Variants in PBX1 observed in about 807,000 individuals in gnomAD.
The protein encoded by PBX1 is pre-B-cell leukemia transcription factor 1.
PBX1 carries 6 observed loss-of-function variants against 53.4 expected under a neutral mutation model. The observed-to-expected ratio is 0.11, with a 90% CI of 0.06 to 0.22. The LOEUF (loss-of-function observed/expected upper bound fraction) is 0.22. Ranked by LOEUF, PBX1 falls within the 10% of genes least tolerant of loss-of-function variation. PBX1 has a pLI of 1.00. For synonymous variants in PBX1, 204 were observed against 212.3 expected (o/e 0.96, Z 0.34); for missense variants, 251 against 551.4 (o/e 0.46, Z 5.46).
intron 2 of PBX1, chr1:164,642,588 G>A (rs981500194): frequency 2.0e-5 from 3 of 152,174 alleles, no homozygotes; most frequent in Non-Finnish European, 4.4e-5. Context: ...GATGGTAAGT[G>A]TTCAGTATGA....
intron 2 of PBX1, among the ~76,000 whole-genome samples, chr1:164,574,780 G>A (rs139837548): frequency 0.012 from 1,773 of 152,170 alleles, 24 homozygotes; most frequent in Admixed American, 0.038. Flanking sequence ...TCAGGAGTTC[G>A]AGACCAGCCT....
intron 2 of PBX1, among the ~76,000 whole-genome samples, chr1:164,870,266 CTT>C (rs1672329149): frequency 4.2e-4 from 19 of 45,214 alleles, no homozygotes; most frequent in African/African-American, 1.3e-3. Context: ...TCCTTCCTTC[CTT>C]CTTTCTTTCT....
intron 2 of PBX1, among the ~76,000 whole-genome samples, chr1:164,710,733 C>T (rs566262751): frequency 7.9e-5 from 12 of 152,090 alleles, no homozygotes; most frequent in South Asian, 6.2e-4. Context: ...TTTGGTAAAA[C>T]GGAGAAAAGC....
At chr1:164,748,724 A>C (rs1666034315) in intron 2 of PBX1, among the ~76,000 whole-genome samples, 1 of 152,186 alleles carries the variant, frequency 6.6e-6, no homozygotes, top group Non-Finnish European at 1.5e-5. Flanking sequence ...CATGGGAAGC[A>C]TATGGCCATG....
intron 2 of PBX1, among the ~76,000 whole-genome samples, chr1:164,704,936 A>C (rs906276626): frequency 1.3e-5 from 2 of 152,248 alleles, no homozygotes; most frequent in Admixed American, 6.5e-5. Context: ...TCAAAATACT[A>C]CCAAAAGGAG....
In PBX1 at chr1:164,659,654, AC is replaced by A. The variant is rs1009348065; in HGVS notation, c.265+96344del. On this transcript the variant is annotated intron_variant, in intron 2 of 8. Transcript: ENST00000420696. ...GGCTGCAGAACCTGCCTCCCCCTTC[AC>A]ACATCCTCCCTTGTTCCCTCTCCCT... Among the ~76,000 whole-genome samples the A allele has an allele frequency of 2.6e-5, 4 of 152,252 alleles. 1 individual carries two copies.
intron 6 of PBX1, among the ~76,000 whole-genome samples, chr1:164,812,504 G>C (rs1445974059): frequency 1.3e-5 from 2 of 152,088 alleles, no homozygotes; most frequent in Non-Finnish European, 2.9e-5. Flanking sequence ...TCTGTCATTT[G>C]GCCTGTTTTA....
chr1:164,810,552 C>G (rs1319182804), intron 5 of PBX1, among the ~76,000 whole-genome samples: 1 of 152,040 alleles, frequency 6.6e-6, no homozygotes, highest in African/African-American at 2.4e-5. Flanking sequence ...ATCTTTTTCC[C>G]TTTTCTTTCA....
chr1:164,825,054 C>A (rs1670383930), intron 8 of PBX1, among the ~76,000 whole-genome samples: 1 of 152,178 alleles, frequency 6.6e-6, no homozygotes, highest in Admixed American at 6.5e-5. Context: ...CTGGGCCCAG[C>A]CTTCCTGTCC....
rs573349619 is a variant in PBX1 at position 164,862,474 on chromosome 1, A to C, written n.257+30991A>C. 1.6e-4 allele frequency among the ~76,000 whole-genome samples: 24 copies of C among 152,326 alleles called. 1 individual carries two copies. The highest frequency in any genetic ancestry group is 6.8e-3 in the Middle Eastern group (2 of 294). On this transcript the variant is annotated intron_variant and non_coding_transcript_variant, in intron 2 of 2. Transcript: ENST00000558796. ...ACCAAGAACACTTTTATGTCAGCTT[A>C]GTTCAAACATTGATACTAAGTGGGA...
At chr1:164,867,176 A>T (rs185242861) in intron 2 of PBX1, among the ~76,000 whole-genome samples, 1 of 152,294 alleles carries the variant, frequency 6.6e-6, no homozygotes, top group Non-Finnish European at 1.5e-5. Flanking sequence ...TGAGCAAGTT[A>T]TTCAAACCTC....
chr1:164,726,941 C>T (rs909651763), intron 2 of PBX1, among the ~76,000 whole-genome samples: 1 of 152,200 alleles, frequency 6.6e-6, no homozygotes, highest in Non-Finnish European at 1.5e-5. Flanking sequence ...AAGAGATTCA[C>T]TTATGCTTCC....
intron 2 of PBX1, among the ~76,000 whole-genome samples, chr1:164,618,666 T>C (rs144057599): frequency 6.6e-6 from 1 of 152,228 alleles, no homozygotes; most frequent in Non-Finnish European, 1.5e-5. Flanking sequence ...TCAGTAATCC[T>C]ATCACTTGCC....
intron 2 of PBX1, among the ~76,000 whole-genome samples, chr1:164,734,034 G>C (rs1020565708): frequency 5.3e-5 from 8 of 152,184 alleles, no homozygotes; most frequent in Non-Finnish European, 4.4e-5. Flanking sequence ...GCTATGTTGT[G>C]TAAGTGTGGA....
intron 2 of PBX1, among the ~76,000 whole-genome samples, chr1:164,728,250 G>T (rs534437475): frequency 6.6e-6 from 1 of 151,630 alleles, no homozygotes; most frequent in Non-Finnish European, 1.5e-5. Context: ...CTGGGAGACC[G>T]AGGCTGCAAT....
chr1:164,750,250 A>G (rs1666129180), intron 2 of PBX1, among the ~76,000 whole-genome samples: 1 of 151,494 alleles, frequency 6.6e-6, no homozygotes. Flanking sequence ...ACTAAAATGC[A>G]TGTGTATATG....
intron 2 of PBX1, among the ~76,000 whole-genome samples, chr1:164,665,746 A>G (rs1374627095): frequency 6.6e-6 from 1 of 152,202 alleles, no homozygotes; most frequent in Non-Finnish European, 1.5e-5. Context: ...TCAGGACCTA[A>G]CATCAGGAAT....
intron 2 of PBX1, chr1:164,642,925 T>A (rs1302720160): frequency 6.6e-6 from 1 of 152,162 alleles, no homozygotes. Context: ...GATGTTTTAT[T>A]TTAAGATAAA....
At chr1:164,809,346 C>T (rs1355238006) in intron 5 of PBX1, among the ~76,000 whole-genome samples, 2 of 152,164 alleles carry the variant, frequency 1.3e-5, no homozygotes, top group South Asian at 2.1e-4. Flanking sequence ...TCCTTATTTA[C>T]ATATTGTGTC....
Sources: allele counts gnomAD v4.1 joint callset (sites outside exome capture counted in the v4.1 genomes callset), GRCh38; gene constraint gnomAD v4.1.1; transcripts MANE v1.5; gene names NCBI Gene and HGNC (gene_info 2026-07-23, HGNC 2026-07-21).